Variants in ARIH1 observed in about 807,000 individuals in gnomAD.
ARIH1 encodes the protein ariadne RBR E3 ubiquitin protein ligase 1.
Under a neutral mutation model 85.0 loss-of-function variants are expected in ARIH1, and 8 were observed. The ratio of observed to expected loss-of-function variants is 0.09; its 90% CI spans 0.06 to 0.17. The LOEUF (loss-of-function observed/expected upper bound fraction) is 0.17. Ranked by LOEUF, ARIH1 falls within the 10% of genes least tolerant of loss-of-function variation. The pLI is 1.00. For missense variants in ARIH1, 311 were observed against 718.1 expected, an observed-to-expected ratio of 0.43 and a Z score of 6.48; for synonymous variants, 238 against 253.6, an observed-to-expected ratio of 0.94 and a Z score of 0.59.
At chr15:72,517,651 T>G (rs1253498919) in intron 1 of ARIH1, among the ~76,000 whole-genome samples, 3 of 152,126 alleles carry the variant, frequency 2.0e-5, no homozygotes, top group African/African-American at 7.2e-5. Context: ...CACAAACTCC[T>G]GAGCTCAAGC....
At position 72,601,684 on chromosome 15, in the gene ARIH1, T is replaced by C. The variant is rs1222210005; in HGVS notation, c.*18392T>C. ...GTTCTAACTGTTCTATATTTCTCCT[T>C]CTTAGCATTTATCACAATTCTTGGT... is the stretch of plus-strand genomic sequence containing the variant. On this transcript the variant is annotated 3_prime_UTR_variant, in exon 14 of 14. Transcript: ENST00000379887. 1 of 152,228 alleles carries C rather than the reference T, an allele frequency of 6.6e-6. No individual in the cohort carries two copies. The highest frequency in any genetic ancestry group is 1.5e-5 in the Non-Finnish European group (1 of 68,046). 9.4% of individuals were successfully genotyped at this position (152,228 alleles called of 1,614,324 possible). A position where few individuals can be genotyped will look rare whatever the true frequency, so the allele number is the denominator to read the frequency against.
chr15:72,511,672 T>G (rs1431651022), intron 1 of ARIH1, among the ~76,000 whole-genome samples: 1 of 152,164 alleles, frequency 6.6e-6, no homozygotes, highest in Non-Finnish European at 1.5e-5. Context: ...TTTTGTAGAT[T>G]AATGGGATTT....
At chr15:72,542,125 AAATC>A (rs2064109956) in intron 2 of ARIH1, among the ~76,000 whole-genome samples, 1 of 152,198 alleles carries the variant, frequency 6.6e-6, no homozygotes, top group African/African-American at 2.4e-5. Flanking sequence ...ACGCAAAAAT[AAATC>A]AACAGTTTTA....
intron 1 of ARIH1, among the ~76,000 whole-genome samples, chr15:72,501,241 G>A (rs566576273): frequency 6.6e-6 from 1 of 152,158 alleles, no homozygotes; most frequent in South Asian, 2.1e-4. Context: ...AGCCTACAAT[G>A]GCTTTTTTCA....
At chr15:72,510,643 A>G (rs2063946082) in intron 1 of ARIH1, among the ~76,000 whole-genome samples, 2 of 143,060 alleles carry the variant, frequency 1.4e-5, no homozygotes, top group Admixed American at 1.5e-4. Context: ...AGGCTGAGGC[A>G]GCAGAATGAT....
At chr15:72,521,760 G>T (rs533626768) in intron 2 of ARIH1, among the ~76,000 whole-genome samples, 1 of 152,124 alleles carries the variant, frequency 6.6e-6, no homozygotes, top group African/African-American at 2.4e-5. Context: ...TGTTGGCCAG[G>T]CTGGTCTCAA....
intron 2 of ARIH1, among the ~76,000 whole-genome samples, chr15:72,528,633 C>T (rs1455614059): frequency 1.3e-5 from 2 of 152,174 alleles, no homozygotes; most frequent in South Asian, 2.1e-4. Context: ...GCAGGAAGAT[C>T]GCTTGAGCGT....
At chr15:72,513,543 ATAT>A (rs920253493) in intron 1 of ARIH1, among the ~76,000 whole-genome samples, 4 of 152,120 alleles carry the variant, frequency 2.6e-5, no homozygotes, top group African/African-American at 9.7e-5. Flanking sequence ...ATAGTGTATA[ATAT>A]TTACCCAGGT....
Position 72,534,959 on chromosome 15 carries a change from C to CTTTTTTTT in ARIH1, c.444-9857_444-9850dup, listed in dbSNP as rs59841210. Among the ~76,000 whole-genome samples the CTTTTTTTT allele has an allele frequency of 9.6e-3, 709 of 73,892 alleles. 67 individuals are homozygous for CTTTTTTTT. Among genetic ancestry groups the CTTTTTTTT allele is most frequent in the African/African-American group, 0.019 (654 of 34,534 alleles). 48.5% of individuals were successfully genotyped at this position (73,892 alleles called of 152,430 possible). On this transcript the variant is annotated intron_variant, in intron 2 of 13. Transcript: ENST00000379887. ...CCTATGTCTTCTTATTGTCTGTATT[C>CTTTTTTTT]TTTTTTTTTTTGAGACGGAGTCTCG...
chr15:72,498,848 TA>T (rs200906515), intron 1 of ARIH1, among the ~76,000 whole-genome samples: 142 of 124,214 alleles, frequency 1.1e-3, no homozygotes, highest in Non-Finnish European at 1.2e-3. Context: ...ATCTCAAAAA[TA>T]AAAAAAAAAA....
intron 3 of ARIH1, among the ~76,000 whole-genome samples, chr15:72,554,226 A>G (rs1224281541): frequency 6.6e-6 from 1 of 152,154 alleles, no homozygotes; most frequent in Non-Finnish European, 1.5e-5. Context: ...TCTTTTGAGT[A>G]TATACCCAGG....
At chr15:72,579,713 C>T (rs1001633740) in intron 11 of ARIH1, among the ~76,000 whole-genome samples, 2 of 152,086 alleles carry the variant, frequency 1.3e-5, no homozygotes, top group Admixed American at 1.3e-4. Context: ...GGACATTTTT[C>T]AAGAGTATTA....
intron 1 of ARIH1, among the ~76,000 whole-genome samples, chr15:72,505,768 T>C (rs2063921893): frequency 6.6e-6 from 1 of 152,154 alleles, no homozygotes; most frequent in Admixed American, 6.5e-5. Flanking sequence ...GGGGTCTTGC[T>C]TTGTTGCCCA....
At chr15:72,574,656 G>A (rs1230063202) in intron 11 of ARIH1, among the ~76,000 whole-genome samples, 1 of 152,156 alleles carries the variant, frequency 6.6e-6, no homozygotes, top group African/African-American at 2.4e-5. Context: ...GAATCAGATG[G>A]TGTATATTTT....
chr15:72,534,959 C>CTTTTTTTTTTTTTTTTTT (rs59841210), intron 2 of ARIH1, among the ~76,000 whole-genome samples: 19,450 of 72,626 alleles, frequency 0.27, 8,158 homozygotes, highest in East Asian at 0.62. Context: ...TGTCTGTATT[C>CTTTTTTTTTTTTTTTTTT]TTTTTTTTTT....
At chr15:72,479,575 A>G (rs1391904435) in intron 1 of ARIH1, among the ~76,000 whole-genome samples, 2 of 151,630 alleles carry the variant, frequency 1.3e-5, no homozygotes, top group Admixed American at 6.6e-5. Flanking sequence ...CACCCAACTA[A>G]TTTTTGTATT....
At chr15:72,482,286 A>G in intron 1 of ARIH1, among the ~76,000 whole-genome samples, 1 of 152,186 alleles carries the variant, frequency 6.6e-6, no homozygotes, top group Non-Finnish European at 1.5e-5. Flanking sequence ...TCCTGGATAG[A>G]TATAAAGTCC....
chr15:72,488,067 G>C (rs1202718199), intron 1 of ARIH1, among the ~76,000 whole-genome samples: 1 of 151,728 alleles, frequency 6.6e-6, no homozygotes, highest in Non-Finnish European at 1.5e-5. Context: ...CAGGGTTTTT[G>C]CTCTGTTGCT....
intron 2 of ARIH1, among the ~76,000 whole-genome samples, chr15:72,540,711 C>T (rs2064103364): frequency 1.3e-5 from 2 of 152,082 alleles, no homozygotes; most frequent in Non-Finnish European, 2.9e-5. Flanking sequence ...ATAGTCCCAC[C>T]TATACTCAAG....
Sources: allele counts gnomAD v4.1 joint callset (sites outside exome capture counted in the v4.1 genomes callset), GRCh38; gene constraint gnomAD v4.1.1; transcripts MANE v1.5; gene names NCBI Gene and HGNC (gene_info 2026-07-23, HGNC 2026-07-21).